Variants in RALYL observed in about 807,000 individuals in gnomAD.
RALYL encodes RALY RNA binding protein like.
RALYL carries 29 observed loss-of-function variants against 35.1 expected under a neutral mutation model. The ratio of observed to expected loss-of-function variants is 0.83; its 90% CI spans 0.61 to 1.13. The LOEUF is 1.13. Among genes scored for constraint, RALYL ranks in the 50% most tolerant of loss-of-function variants. RALYL has a pLI of 0.00. For missense variants in RALYL, 359 were observed against 360.4 expected (o/e 1.00, Z 0.03); for synonymous variants, 120 against 127.6 (o/e 0.94, Z 0.40).
intron 2 of RALYL, among the ~76,000 whole-genome samples, chr8:84,668,467 G>T (rs993307426): frequency 1.3e-5 from 2 of 152,134 alleles, no homozygotes; most frequent in Non-Finnish European, 2.9e-5. Context: ...AAGACACAGT[G>T]ATTTAAAAGT....
intron 2 of RALYL, among the ~76,000 whole-genome samples, chr8:84,758,696 T>C (rs1181805245): frequency 6.6e-6 from 1 of 152,132 alleles, no homozygotes; most frequent in African/African-American, 2.4e-5. Context: ...GCACCCAAGA[T>C]GAAAGACACC....
At chr8:84,610,054 G>C (rs1817964135) in intron 2 of RALYL, among the ~76,000 whole-genome samples, 1 of 152,100 alleles carries the variant, frequency 6.6e-6, no homozygotes, top group African/African-American at 2.4e-5. Context: ...TCTCATGTCA[G>C]TCACATGGGA....
At chr8:84,671,395 A>G (rs919183369) in intron 2 of RALYL, among the ~76,000 whole-genome samples, 1 of 152,132 alleles carries the variant, frequency 6.6e-6, no homozygotes, top group African/African-American at 2.4e-5. Context: ...TCCACTAGGC[A>G]GTGCCCCAGT....
intron 1 of RALYL, among the ~76,000 whole-genome samples, chr8:84,318,678 G>A (rs1437085519): frequency 6.6e-6 from 1 of 151,902 alleles, no homozygotes; most frequent in Non-Finnish European, 1.5e-5. Context: ...CCTAGTACAG[G>A]GCCAGGCCTG....
chr8:84,500,168 G>T (rs1396382632), intron 1 of RALYL, among the ~76,000 whole-genome samples: 1 of 152,118 alleles, frequency 6.6e-6, no homozygotes, highest in African/African-American at 2.4e-5. Context: ...GAAATATGAT[G>T]ATTTAAAAAC....
At chr8:84,634,915 A>C (rs1036988049) in intron 2 of RALYL, among the ~76,000 whole-genome samples, 4 of 151,770 alleles carry the variant, frequency 2.6e-5, no homozygotes, top group Non-Finnish European at 5.9e-5. Context: ...TATTGAGTTG[A>C]AGCCTTTAAT....
intron 2 of RALYL, among the ~76,000 whole-genome samples, chr8:84,770,973 G>A (rs1586120022): frequency 1.3e-5 from 2 of 152,048 alleles, no homozygotes; most frequent in African/African-American, 2.4e-5. Flanking sequence ...TATAAATTGT[G>A]AAGATTTTCT....
intron 8 of RALYL, among the ~76,000 whole-genome samples, chr8:84,896,527 C>T (rs1383817795): frequency 6.6e-6 from 1 of 152,082 alleles, no homozygotes; most frequent in South Asian, 2.1e-4. Flanking sequence ...GGAATAGATA[C>T]CGAAGTCCTT....
At chr8:84,559,042 T>G (rs540310658) in intron 2 of RALYL, among the ~76,000 whole-genome samples, 1 of 152,296 alleles carries the variant, frequency 6.6e-6, no homozygotes, top group South Asian at 2.1e-4. Context: ...AATTCCATAT[T>G]CTTTAACAGA....
At chr8:84,344,708 C>A (rs1491564) in intron 1 of RALYL, among the ~76,000 whole-genome samples, 58,146 of 151,698 alleles carry the variant, frequency 0.38, 11,752 homozygotes, top group East Asian at 0.51. Context: ...TATCCCATCC[C>A]AATTCCCATC....
chr8:84,598,423 C>T (rs143459941), intron 2 of RALYL, among the ~76,000 whole-genome samples: 349 of 152,262 alleles, frequency 2.3e-3, no homozygotes, highest in African/African-American at 5.2e-3. Context: ...GACCTCCATG[C>T]AGAATAGTAA....
At chr8:84,660,753 T>C (rs1177585797) in intron 2 of RALYL, among the ~76,000 whole-genome samples, 1 of 152,048 alleles carries the variant, frequency 6.6e-6, no homozygotes, top group African/African-American at 2.4e-5. Context: ...TATGTGTAAA[T>C]GTAGAATTCA....
chr8:84,705,443 G>A (rs1841028347), intron 2 of RALYL, among the ~76,000 whole-genome samples: 1 of 152,110 alleles, frequency 6.6e-6, no homozygotes, highest in South Asian at 2.1e-4. Flanking sequence ...ATGTGAAAAT[G>A]TGCAATTTCT....
chr8:84,299,815 C>A (rs1444424883), intron 1 of RALYL, among the ~76,000 whole-genome samples: 3 of 149,922 alleles, frequency 2.0e-5, no homozygotes, highest in African/African-American at 7.4e-5. Flanking sequence ...GTGGTAATGT[C>A]CCCTTTGTGA....
At chr8:84,734,079 C>T (rs541302800) in intron 2 of RALYL, among the ~76,000 whole-genome samples, 10 of 152,246 alleles carry the variant, frequency 6.6e-5, no homozygotes, top group South Asian at 4.1e-4. Context: ...GTAAAAAATG[C>T]GTGATTTATG....
At chr8:84,370,983 C>G (rs1855561674) in intron 1 of RALYL, among the ~76,000 whole-genome samples, 1 of 151,900 alleles carries the variant, frequency 6.6e-6, no homozygotes, top group South Asian at 2.1e-4. Context: ...GGGTAAAAAT[C>G]CTCAAAGAGT....
chr8:84,358,317 T>C (rs1014135849), intron 1 of RALYL, among the ~76,000 whole-genome samples: 2 of 152,004 alleles, frequency 1.3e-5, no homozygotes, highest in Non-Finnish European at 2.9e-5. Context: ...TGAAACACTT[T>C]GAGTATAGGA....
chr8:84,778,607 AAGGGAAAGAGAG>A (rs1425397975), intron 3 of RALYL, among the ~76,000 whole-genome samples: 1 of 152,186 alleles, frequency 6.6e-6, no homozygotes, highest in Admixed American at 6.5e-5. Context: ...CTGACTTTTG[AAGGGAAAGAGAG>A]AGGGAAGGGC....
At chr8:84,640,715 T>C (rs1163669034) in intron 2 of RALYL, among the ~76,000 whole-genome samples, 1 of 151,890 alleles carries the variant, frequency 6.6e-6, no homozygotes, top group Admixed American at 6.6e-5. Flanking sequence ...CACCTCAAGC[T>C]TTCTCAAGGA....
Sources: gnomAD v4.1 joint callset for allele counts (sites outside exome capture counted in the v4.1 genomes callset) on GRCh38, gnomAD v4.1.1 for gene constraint, MANE v1.5 for transcripts, NCBI Gene and HGNC (gene_info 2026-07-23, HGNC 2026-07-21) for gene names.